Variants in OR10J1 observed in about 807,000 individuals in gnomAD.
OR10J1 encodes olfactory receptor 10J1.
For synonymous variants in OR10J1, 202 were observed against 143.8 expected (o/e 1.40, Z -2.89); for missense variants, 474 against 376.6 (o/e 1.26, Z -2.14).
chr1:159,424,971 A>G, the OR10J1 span, among the ~76,000 whole-genome samples: 1 of 152,190 alleles, frequency 6.6e-6, no homozygotes, highest in Non-Finnish European at 1.5e-5. Context: ...TTTCCAGACA[A>G]AGAAAGGGAG....
the OR10J1 span, among the ~76,000 whole-genome samples, chr1:159,414,020 G>A: frequency 6.6e-6 from 1 of 151,894 alleles, no homozygotes. Flanking sequence ...GTTACATGCA[G>A]TGAATGTATA....
At position 159,440,908 on chromosome 1, in the gene OR10J1, T is replaced by C. The variant is rs1655929114; in HGVS notation, c.*187T>C. The C allele has an allele frequency of 1.8e-6, 1 of 567,306 alleles. No individual in the cohort carries two copies. The highest frequency in any genetic ancestry group is 3.0e-6 in the Non-Finnish European group (1 of 338,246). The allele number at this position is 567,306 out of a possible 1,614,324, so 35.1% of individuals were successfully genotyped here. A position where few individuals can be genotyped will look rare whatever the true frequency, so the allele number is the denominator to read the frequency against. On this transcript the variant is annotated 3_prime_UTR_variant, in exon 1 of 1. Coordinates refer to ENST00000423932, the MANE Select transcript of OR10J1 (RefSeq NM_012351.3). ...GTTACTGGATGGAGTGTTATCCCTA[T>C]TTTTGGGGATAAATAGACAAACAAG...
the OR10J1 span, among the ~76,000 whole-genome samples, chr1:159,411,432 G>C: frequency 2.6e-5 from 4 of 152,164 alleles, no homozygotes; most frequent in Non-Finnish European, 4.4e-5. Context: ...TTGTTGAATT[G>C]ATCCCTTTAC....
the OR10J1 span, among the ~76,000 whole-genome samples, chr1:159,426,171 A>T: frequency 6.6e-6 from 1 of 152,042 alleles, no homozygotes; most frequent in South Asian, 2.1e-4. Context: ...TAGTAAATAA[A>T]AAATATAAAA....
chr1:159,420,684 G>A, the OR10J1 span, among the ~76,000 whole-genome samples: 2 of 151,654 alleles, frequency 1.3e-5, no homozygotes, highest in African/African-American at 2.4e-5. Context: ...AAAATCCTTG[G>A]TTAGTAGGTT....
the OR10J1 span, among the ~76,000 whole-genome samples, chr1:159,422,487 C>T: frequency 6.6e-6 from 1 of 152,178 alleles, no homozygotes; most frequent in Non-Finnish European, 1.5e-5. Context: ...AGCCATCCCT[C>T]CGCAGGTGAG....
chr1:159,400,919 C>A, the OR10J1 span, among the ~76,000 whole-genome samples: 1 of 151,912 alleles, frequency 6.6e-6, no homozygotes, highest in African/African-American at 2.4e-5. Context: ...TATCAAGCAT[C>A]TTCTCTGGCC....
chr1:159,407,154 A>G, the OR10J1 span, among the ~76,000 whole-genome samples: 3 of 152,164 alleles, frequency 2.0e-5, no homozygotes, highest in Admixed American at 1.3e-4. Context: ...ATAGAGTGCC[A>G]TGTTTTTCTC....
chr1:159,417,467 T>C, the OR10J1 span, among the ~76,000 whole-genome samples: 1 of 152,160 alleles, frequency 6.6e-6, no homozygotes, highest in Non-Finnish European at 1.5e-5. Context: ...CTTCTCATAA[T>C]AGTGAATAAG....
chr1:159,412,634 A>G, the OR10J1 span, among the ~76,000 whole-genome samples: 11 of 151,678 alleles, frequency 7.3e-5, no homozygotes, highest in South Asian at 2.1e-4. Flanking sequence ...GGCTAGCCAT[A>G]TGTAGAAAGC....
upstream of OR10J1, among the ~76,000 whole-genome samples, chr1:159,439,503 C>G (rs1368990745): frequency 8.6e-5 from 13 of 151,996 alleles, no homozygotes. Context: ...TTCCAGATGT[C>G]AGGGAGGAAG....
chr1:159,402,457 T>C, the OR10J1 span, among the ~76,000 whole-genome samples: 7 of 152,132 alleles, frequency 4.6e-5, no homozygotes, highest in South Asian at 1.0e-3. Context: ...CATTTCTATA[T>C]GCCAACAGTC....
chr1:159,417,541 C>G, the OR10J1 span, among the ~76,000 whole-genome samples: 1 of 152,204 alleles, frequency 6.6e-6, no homozygotes, highest in South Asian at 2.1e-4. Context: ...CTCTTGTCTG[C>G]TGTCATGTAA....
the OR10J1 span, among the ~76,000 whole-genome samples, chr1:159,402,241 A>G: frequency 3.3e-5 from 5 of 152,130 alleles, no homozygotes; most frequent in Non-Finnish European, 7.4e-5. Flanking sequence ...TCAGTATAGT[A>G]CTAGAAGTCC....
chr1:159,434,018 G>T (rs1655664672), upstream of OR10J1, among the ~76,000 whole-genome samples: 1 of 152,058 alleles, frequency 6.6e-6, no homozygotes. Context: ...GTCCCTCTTT[G>T]TGACATCTCC....
At chr1:159,411,354 A>C in the OR10J1 span, among the ~76,000 whole-genome samples, 11 of 152,222 alleles carry the variant, frequency 7.2e-5, 1 homozygote, top group Admixed American at 5.9e-4. Context: ...TAGGTCTCCA[A>C]GGACTTGCTT....
the OR10J1 span, chr1:159,405,752 C>T: frequency 1.4e-5 from 17 of 1,177,214 alleles, no homozygotes; most frequent in Non-Finnish European, 2.0e-5. Context: ...ATATGTAGGA[C>T]AAGGACACAG....
Position 159,440,635 on chromosome 1 carries a change from C to G in OR10J1, c.844C>G (p.Pro282Ala). ...CTCGGTGACCTACACTGTCATCACT[C>G]CCCTACTGAACCCTGTGGTATACAC... ...LISVTYTVIT[P>A]LLNPVVYTLR... Residue 282 changes from proline (P) to alanine (A), a missense_variant, in exon 1 of 1, where the codon CCC becomes GCC. Transcript: ENST00000423932. The G allele has an allele frequency of 3.7e-6, 6 of 1,613,860 alleles. No homozygotes were observed. Among genetic ancestry groups the G allele is most frequent in the Non-Finnish European group, 4.2e-6 (5 of 1,179,966 alleles).
the OR10J1 span, among the ~76,000 whole-genome samples, chr1:159,409,440 AT>A: frequency 0.081 from 12,297 of 152,076 alleles, 1,150 homozygotes; most frequent in African/African-American, 0.23. Flanking sequence ...AAGTCAGAAC[AT>A]TGTGCTTTAA....
Sources: allele counts gnomAD v4.1 joint callset (sites outside exome capture counted in the v4.1 genomes callset), GRCh38; gene constraint gnomAD v4.1.1; transcripts MANE v1.5; gene names NCBI Gene and HGNC (gene_info 2026-07-23, HGNC 2026-07-21).